IL1RAPL1: variants seen among roughly 807,000 people sequenced by gnomAD.
IL1RAPL1 encodes the protein interleukin-1 receptor accessory protein-like 1.
Under a neutral mutation model 48.4 loss-of-function variants are expected in IL1RAPL1, and 3 were observed. The observed-to-expected ratio is 0.06, with a 90% CI of 0.03 to 0.16. IL1RAPL1 has a LOEUF of 0.16. Ranked by LOEUF, IL1RAPL1 falls within the 10% of genes least tolerant of loss-of-function variation. The probability of loss-of-function intolerance (pLI) is 1.00; values close to 1 mark genes in which losing one functional copy is unlikely to be tolerated. For missense variants in IL1RAPL1, 349 were observed against 530.6 expected (o/e 0.66, Z 3.36); for synonymous variants, 185 against 187.7 (o/e 0.99, Z 0.12).
At chrX:29,491,706 T>G (rs1261284806) in intron 5 of IL1RAPL1, among the ~76,000 whole-genome samples, 1 of 111,695 alleles carries the variant, frequency 9.0e-6, no homozygotes, top group Non-Finnish European at 1.9e-5. Context: ...ACAAATAAAT[T>G]TAGATTGTAA....
intron 5 of IL1RAPL1, among the ~76,000 whole-genome samples, chrX:29,539,624 G>A (rs1250385369): frequency 1.1e-4 from 12 of 110,715 alleles, no homozygotes; most frequent in Non-Finnish European, 9.5e-5. Context: ...TCCCCCCTTA[G>A]GACTGTATAG....
At chrX:28,801,462 G>T (rs1936674756) in intron 2 of IL1RAPL1, among the ~76,000 whole-genome samples, 1 of 111,387 alleles carries the variant, frequency 9.0e-6, no homozygotes, top group Non-Finnish European at 1.9e-5. Context: ...CATAAATACA[G>T]ATATGGAAGA....
chrX:28,930,005 G>A (rs1207227143), intron 2 of IL1RAPL1, among the ~76,000 whole-genome samples: 1 of 112,303 alleles, frequency 8.9e-6, no homozygotes, highest in African/African-American at 3.2e-5. Flanking sequence ...CTCATCAAAA[G>A]CTTAAATAAC....
At chrX:29,187,499 A>G (rs1930274086) in intron 2 of IL1RAPL1, among the ~76,000 whole-genome samples, 1 of 111,524 alleles carries the variant, frequency 9.0e-6, no homozygotes, top group Admixed American at 9.6e-5. Flanking sequence ...TGTGAGTTGC[A>G]TTATAGGATA....
chrX:29,308,097 A>G (rs1192089895), intron 3 of IL1RAPL1, among the ~76,000 whole-genome samples: 1 of 111,807 alleles, frequency 8.9e-6, no homozygotes, highest in Admixed American at 9.5e-5. Context: ...ATAGAAAGGG[A>G]TTTTTTTGAT....
In IL1RAPL1 at chrX:29,424,822, G is replaced by A. The variant is rs143381993; in HGVS notation, c.703+25514G>A. On this transcript the variant is annotated intron_variant, in intron 5 of 10. Coordinates refer to ENST00000378993, the MANE Select transcript of IL1RAPL1 (RefSeq NM_014271.4). ...AAAGAGATATTCATGGGAAGGTTTCGTTTAGCTGGGATGTTGACATTATGA... is the reference window on the plus strand; with the variant it reads ...AAAGAGATATTCATGGGAAGGTTTCATTTAGCTGGGATGTTGACATTATGA... Among the ~76,000 whole-genome samples, 235 of 111,942 alleles carry A rather than the reference G, an allele frequency of 2.1e-3. 4 individuals are homozygous for A. The highest frequency in any genetic ancestry group is 7.6e-3 in the African/African-American group (233 of 30,802).
intron 3 of IL1RAPL1, among the ~76,000 whole-genome samples, chrX:29,367,673 C>T (rs754901345): frequency 8.3e-5 from 9 of 108,439 alleles, no homozygotes; most frequent in African/African-American, 2.0e-4. Flanking sequence ...CTCTGCCTCC[C>T]GGGTTTAAGC....
intron 1 of IL1RAPL1, among the ~76,000 whole-genome samples, chrX:28,639,749 G>A (rs1351593469): frequency 8.9e-6 from 1 of 111,972 alleles, no homozygotes; most frequent in Non-Finnish European, 1.9e-5. Context: ...ATCCTGTGGT[G>A]AGCCCTGGAA....
intron 6 of IL1RAPL1, among the ~76,000 whole-genome samples, chrX:29,803,399 A>ATATATGTG (rs759171079): frequency 3.5e-5 from 3 of 84,927 alleles, no homozygotes; most frequent in Admixed American, 1.3e-4. Context: ...ACACATATGT[A>ATATATGTG]TATATGTGTA....
At chrX:29,434,253 T>C (rs1934455783) in intron 5 of IL1RAPL1, among the ~76,000 whole-genome samples, 1 of 110,558 alleles carries the variant, frequency 9.0e-6, no homozygotes, top group Admixed American at 9.7e-5. Flanking sequence ...CTATAGACTT[T>C]GAACTGACAT....
chrX:29,053,147 TGTTA>T (rs1927134596), intron 2 of IL1RAPL1, among the ~76,000 whole-genome samples: 2 of 111,297 alleles, frequency 1.8e-5, no homozygotes, highest in South Asian at 7.6e-4. Flanking sequence ...TCTGTTCCTC[TGTTA>T]GTTTGCTAAG....
intron 2 of IL1RAPL1, among the ~76,000 whole-genome samples, chrX:29,282,292 G>A (rs933607195): frequency 5.3e-5 from 6 of 112,328 alleles, no homozygotes; most frequent in South Asian, 3.7e-4. Context: ...GCAGAGATCC[G>A]CACTTTATTG....
At chrX:28,969,643 T>G (rs922437301) in intron 2 of IL1RAPL1, among the ~76,000 whole-genome samples, 1 of 109,990 alleles carries the variant, frequency 9.1e-6, no homozygotes, top group Non-Finnish European at 1.9e-5. Context: ...GATTAAAATA[T>G]TATAGGTTTT....
chrX:29,569,704 T>G (rs1413298444), intron 5 of IL1RAPL1, among the ~76,000 whole-genome samples: 1 of 111,405 alleles, frequency 9.0e-6, no homozygotes, highest in African/African-American at 3.3e-5. Flanking sequence ...ATGAGAAAAA[T>G]TCACGTTTGC....
At chrX:29,770,804 A>C (rs1292674995) in intron 6 of IL1RAPL1, among the ~76,000 whole-genome samples, 1 of 112,508 alleles carries the variant, frequency 8.9e-6, no homozygotes, top group East Asian at 2.8e-4. Context: ...TTTCAGTAAA[A>C]TATCTCTAAC....
intron 5 of IL1RAPL1, among the ~76,000 whole-genome samples, chrX:29,455,741 TG>T (rs1934731585): frequency 8.9e-6 from 1 of 112,164 alleles, no homozygotes; most frequent in Admixed American, 9.5e-5. Flanking sequence ...GCATGGCATT[TG>T]TCTTTTTAAT....
intron 5 of IL1RAPL1, among the ~76,000 whole-genome samples, chrX:29,659,431 T>C (rs1476252279): frequency 8.9e-6 from 1 of 112,302 alleles, no homozygotes; most frequent in Non-Finnish European, 1.9e-5. Flanking sequence ...TGCCACATTT[T>C]CTTTTTATTA....
chrX:29,014,858 G>A (rs931970843), intron 2 of IL1RAPL1, among the ~76,000 whole-genome samples: 7 of 111,639 alleles, frequency 6.3e-5, no homozygotes, highest in Non-Finnish European at 1.3e-4. Context: ...ATATTTAAAT[G>A]TGGTGATTAT....
In IL1RAPL1 at chrX:29,638,268, C is replaced by CT. The variant is rs775877178; in HGVS notation, c.704-30142dup. On this transcript the variant is annotated intron_variant, in intron 5 of 10. Coordinates refer to ENST00000378993, the MANE Select transcript of IL1RAPL1 (RefSeq NM_014271.4). Reference sequence around the variant, plus strand: ...AACATCTGCTGTCAACACCAATTAACTTTTTTTTTTTTTTTTTTTTGAGAT... The same window carrying CT: ...AACATCTGCTGTCAACACCAATTAACTTTTTTTTTTTTTTTTTTTTTGAGAT... 9.9e-3 allele frequency among the ~76,000 whole-genome samples: 921 copies of CT among 93,314 alleles called. 16 individuals carry two copies. The highest frequency in any genetic ancestry group is 0.025 in the African/African-American group (651 of 25,538). The allele number at this position is 93,314 out of a possible 115,157, so 81.0% of individuals were successfully genotyped here. A position where few individuals can be genotyped will look rare whatever the true frequency, so the allele number is the denominator to read the frequency against.
Sources: allele counts gnomAD v4.1 joint callset (sites outside exome capture counted in the v4.1 genomes callset), GRCh38; gene constraint gnomAD v4.1.1; transcripts MANE v1.5; gene names NCBI Gene and HGNC (gene_info 2026-07-23, HGNC 2026-07-21).